The following GSTZ1 variants were observed in gnomAD, a reference collection of about 807,000 sequenced individuals.
GSTZ1 encodes maleylacetoacetate isomerase.
GSTZ1 carries 34 observed loss-of-function variants against 35.9 expected under a neutral mutation model. That is an observed-to-expected ratio of 0.95 (90% CI 0.72 to 1.26). The LOEUF is 1.26. Ranked by LOEUF, GSTZ1 falls within the 50% of genes most tolerant of loss-of-function variation. The pLI is 0.00. For missense variants in GSTZ1, 263 were observed against 271.7 expected (o/e 0.97, Z 0.23); for synonymous variants, 93 against 101.2 (o/e 0.92, Z 0.49).
At position 77,327,941 on chromosome 14, in the gene GSTZ1, G is replaced by A. The variant is rs773031901; in HGVS notation, c.246G>A (p.Met82Ile). 22 of 1,613,740 alleles carry A rather than the reference G, an allele frequency of 1.4e-5. No individual in the cohort carries two copies. Among genetic ancestry groups the A allele is most frequent in the Non-Finnish European group, 1.9e-5 (22 of 1,179,842 alleles). Reference protein sequence around the residue: ...SLAIIEYLEEMRPTPRLLPQD... With the variant: ...SLAIIEYLEEIRPTPRLLPQD... ...CCATCATTGAGTATCTAGAGGAGAT[G>A]CGTCCCACTCCGCGACTTCTGCCTC... The change falls in exon 5 of 9, where the codon ATG becomes ATA. Residue 82 changes from methionine (M) to isoleucine (I), a missense_variant. Met to Ile is a conservative substitution (Grantham distance 10). Transcript: ENST00000216465.
At chr14:77,324,534 G>A in intron 1 of GSTZ1, 1 of 1,442,386 alleles carries the variant, frequency 6.9e-7, no homozygotes, top group Non-Finnish European at 9.4e-7. Flanking sequence ...ACCCCTTTAG[G>A]TTTCCTTTCC....
chr14:77,326,996 A>G, intron 3 of GSTZ1, 91 bp downstream of exon 3: 1 of 872,332 alleles, frequency 1.1e-6, no homozygotes, highest in Non-Finnish European at 1.9e-6. Flanking sequence ...TGCCCCAGAG[A>G]AGTGAACCTG....
At chr14:77,329,836 C>T in intron 7 of GSTZ1, 29 bp downstream of exon 7, 1 of 1,565,848 alleles carries the variant, frequency 6.4e-7, no homozygotes, top group Non-Finnish European at 8.8e-7. Flanking sequence ...TCCCCAGGCC[C>T]AGCCACAGTG....
chr14:77,324,569 G>A, intron 1 of GSTZ1: 2 of 1,530,654 alleles, frequency 1.3e-6, no homozygotes, highest in South Asian at 1.2e-5. Flanking sequence ...TGCCAGAGGG[G>A]ACATTTCCTG....
In GSTZ1 at chr14:77,327,926, G is replaced by A; in HGVS notation, c.231G>A (p.Glu77=). ...ITIHQSLAII[E]YLEEMRPTPR... is the part of the protein sequence containing the mutation. ...CCTCTGGACAGCTGGCCATCATTGA[G>A]TATCTAGAGGAGATGCGTCCCACTC... Residue 77 remains glutamate (E), a synonymous_variant, in exon 5 of 9, where the codon GAG becomes GAA. Transcript: ENST00000216465. The A allele has an allele frequency of 5.0e-6, 8 of 1,614,000 alleles. No individual in the cohort carries two copies. The highest frequency in any genetic ancestry group is 6.8e-6 in the Non-Finnish European group (8 of 1,179,966).
intron 1 of GSTZ1, chr14:77,324,505 C>T: frequency 9.4e-7 from 1 of 1,066,954 alleles, no homozygotes. Context: ...CCCAGCTTCC[C>T]CATTGGCTCC....
chr14:77,322,722 C>T, intron 1 of GSTZ1: 2 of 985,414 alleles, frequency 2.0e-6, no homozygotes, highest in Non-Finnish European at 2.4e-6. Context: ...TCTTTACTTT[C>T]TCCACAAAAG....
At position 77,330,454 on chromosome 14, in the gene GSTZ1, C is replaced by T. The variant is rs1456319192; in HGVS notation, c.524+95C>T. ...GATAGCATCTCATGCAGACGCTTCG[C>T]CAACCAGCCAAGGAGCCCACCATGC... On this transcript the variant is annotated intron_variant, in intron 8 of 8. Coordinates refer to ENST00000216465, the MANE Select transcript of GSTZ1 (RefSeq NM_145870.3). 3 of 1,019,410 alleles carry T rather than the reference C, an allele frequency of 2.9e-6. No homozygotes were observed. In the East Asian group the frequency reaches 7.1e-5, roughly 24 times the overall value. The allele number at this position is 1,019,410 out of a possible 1,614,324, so 63.1% of individuals were successfully genotyped here.
chr14:77,330,238 G>A (rs1302135323), intron 7 of GSTZ1, 72 bp from the exon 8 acceptor site: 9 of 1,047,912 alleles, frequency 8.6e-6, no homozygotes, highest in Admixed American at 1.7e-5. Context: ...TAGAGTCGCA[G>A]TGGACACACC....
chr14:77,322,254 A>G (rs2111699), intron 1 of GSTZ1, among the ~76,000 whole-genome samples: 47,889 of 152,074 alleles, frequency 0.31, 7,665 homozygotes, highest in East Asian at 0.45. Context: ...TGAATTGGAA[A>G]CACAGGTCTT....
intron 5 of GSTZ1, chr14:77,328,303 G>T: frequency 2.1e-6 from 1 of 487,426 alleles, no homozygotes. Flanking sequence ...GGCCAGAATG[G>T]CAGGGGAGAG....
At chr14:77,321,544 T>G (rs1028399686) in intron 1 of GSTZ1, 2 of 1,281,878 alleles carry the variant, frequency 1.6e-6, no homozygotes, top group Admixed American at 3.3e-5. Context: ...TTCATGCTCT[T>G]CTCTTGGCCC....
intron 1 of GSTZ1, 95 bp from the exon 2 acceptor site, chr14:77,324,761 CAGGCCTGAGAGAGG>C (rs1892223498): frequency 8.2e-7 from 1 of 1,217,104 alleles, no homozygotes; most frequent in Non-Finnish European, 1.2e-6. Flanking sequence ...TGCACAGATG[CAGGCCTGAGAGAGG>C]AGGCCTGGCA....
At chr14:77,322,445 C>T (rs8177544) in intron 1 of GSTZ1, 13,006 of 229,798 alleles carry the variant, frequency 0.057, 609 homozygotes, top group African/African-American at 0.14. Flanking sequence ...TGCTTCTGGT[C>T]ACTCGTAGTA....
Position 77,321,045 on chromosome 14 carries a change from C to G in GSTZ1, c.-124C>G. On this transcript the variant is annotated 5_prime_UTR_variant, in exon 1 of 9. Transcript: ENST00000216465. ...GACCGGAAGGATCTTTCTAGTCCAG[C>G]CCCTCGCTTTACCCGGACGAAAGAC... 1.9e-6 allele frequency: 2 copies of G among 1,072,898 alleles called. No individual in the cohort carries two copies. The highest frequency in any genetic ancestry group is 3.4e-5 in the South Asian group (2 of 58,030). The allele number at this position is 1,072,898 out of a possible 1,614,324, so 66.5% of individuals were successfully genotyped here.
At chr14:77,330,049 A>C (rs1594828818) in intron 7 of GSTZ1, 1 of 657,220 alleles carries the variant, frequency 1.5e-6, no homozygotes, top group African/African-American at 1.8e-5. Context: ...ATGTCTGCGC[A>C]GTCAAGGCAA....
At chr14:77,321,428 C>G (rs981696912) in intron 1 of GSTZ1, 18 of 1,525,426 alleles carry the variant, frequency 1.2e-5, no homozygotes, top group Non-Finnish European at 1.6e-5. Flanking sequence ...AGTCGCTGTC[C>G]GGTCGCGCTT....
intron 6 of GSTZ1, 170 bp from the exon 7 acceptor site, chr14:77,329,585 C>T: frequency 1.6e-6 from 1 of 633,228 alleles, no homozygotes; most frequent in Non-Finnish European, 2.8e-6. Flanking sequence ...GAAACAGCAG[C>T]TCATCCCTAA....
intron 2 of GSTZ1, 168 bp downstream of exon 2, chr14:77,325,089 C>T: frequency 1.6e-6 from 1 of 642,300 alleles, no homozygotes; most frequent in Non-Finnish European, 2.9e-6. Flanking sequence ...TGCATGGCAT[C>T]TCCACCCCGG....
Sources: allele counts gnomAD v4.1 joint callset (sites outside exome capture counted in the v4.1 genomes callset), GRCh38; gene constraint gnomAD v4.1.1; transcripts MANE v1.5; gene names NCBI Gene and HGNC (gene_info 2026-07-23, HGNC 2026-07-21).